The following MAP2K5 variants were observed in gnomAD, a reference collection of about 807,000 sequenced individuals.
MAP2K5 encodes mitogen-activated protein kinase kinase 5.
In MAP2K5, 49 loss-of-function variants were observed where a neutral mutation model predicts 83.1. The ratio of observed to expected loss-of-function variants is 0.59; its 90% CI spans 0.47 to 0.75. The LOEUF (loss-of-function observed/expected upper bound fraction) is 0.75, where lower values mean the gene tolerates loss of function less well. MAP2K5 is among the 30% of genes least tolerant of loss of function. MAP2K5 has a pLI of 0.00. For synonymous variants in MAP2K5, 202 were observed against 191.8 expected (o/e 1.05, Z -0.44); for missense variants, 457 against 557.5 (o/e 0.82, Z 1.82).
rs1003026634 is a variant in MAP2K5 at position 67,562,537 on chromosome 15, A to C, written c.185-746A>C. ...CACATTCTGGTTATGTAGTTTGTGA[A>C]GTCTTGTCCTCCAGCCTTAAGACTT... On this transcript the variant is annotated intron_variant, in intron 2 of 21. Coordinates refer to ENST00000178640, the MANE Select transcript of MAP2K5 (RefSeq NM_145160.3). This position sits in a 1 kb window ranked among gnomAD's most constrained non-coding sequence, Gnocchi z 4.1. Among the ~76,000 whole-genome samples, 15 of 152,212 alleles carry C rather than the reference A, an allele frequency of 9.9e-5. No homozygotes were observed. The highest frequency in any genetic ancestry group is 3.6e-4 in the African/African-American group (15 of 41,448).
intron 17 of MAP2K5, among the ~76,000 whole-genome samples, chr15:67,739,445 TATATATATATATATATA>T (rs1218052858): frequency 0.016 from 236 of 14,584 alleles, 4 homozygotes; most frequent in African/African-American, 0.051. Flanking sequence ...TATATATATA[TATATATATATATATATA>T]TTTTTTTTTT....
rs181458288 is a variant in MAP2K5 at position 67,755,753 on chromosome 15, A to G, written c.1134+7152A>G. Among the ~76,000 whole-genome samples, 3 of 152,388 alleles carry G rather than the reference A, an allele frequency of 2.0e-5. No homozygotes were observed. The highest frequency in any genetic ancestry group is 6.5e-5 in the Admixed American group (1 of 15,314). On this transcript the variant is annotated intron_variant, in intron 19 of 21. Transcript: ENST00000178640. The surrounding 1 kb of genome is among the most constrained non-coding windows in gnomAD (Gnocchi z 4.7). ...TTAAGTTTTATGGTTAAATAGAGTC[A>G]TAAGAACTTGCAGAAGACATAGACT...
At chr15:67,601,884 G>A (rs2085666471) in intron 8 of MAP2K5, among the ~76,000 whole-genome samples, 1 of 152,242 alleles carries the variant, frequency 6.6e-6, no homozygotes, top group Admixed American at 6.5e-5. Flanking sequence ...CAGCCAAGAT[G>A]TGAGTCCTTT....
At chr15:67,689,256 C>A (rs565931305) in intron 13 of MAP2K5, among the ~76,000 whole-genome samples, 1 of 152,264 alleles carries the variant, frequency 6.6e-6, no homozygotes, top group South Asian at 2.1e-4. Flanking sequence ...ACATTACATA[C>A]ATAAATCATA....
intron 16 of MAP2K5, among the ~76,000 whole-genome samples, chr15:67,704,622 T>G (rs1244208062): frequency 1.3e-5 from 2 of 152,196 alleles, no homozygotes; most frequent in Non-Finnish European, 2.9e-5. Context: ...TTCTTCTGCT[T>G]CTTCTTAAAA....
chr15:67,648,907 C>T (rs1596719934), intron 11 of MAP2K5, among the ~76,000 whole-genome samples: 1 of 152,216 alleles, frequency 6.6e-6, no homozygotes, highest in South Asian at 2.1e-4. Context: ...GGGTATATAC[C>T]TAGGAGTAAA....
At chr15:67,800,182 A>G (rs978340589) in intron 21 of MAP2K5, among the ~76,000 whole-genome samples, 2 of 152,232 alleles carry the variant, frequency 1.3e-5, no homozygotes, top group African/African-American at 4.8e-5. Flanking sequence ...GCATCCTCCC[A>G]TAAATTATTT....
chr15:67,578,096 C>G (rs551697933), intron 3 of MAP2K5, among the ~76,000 whole-genome samples: 1 of 152,162 alleles, frequency 6.6e-6, no homozygotes, highest in Non-Finnish European at 1.5e-5. Context: ...GGGTAGAGCC[C>G]GTCTTGATTT....
chr15:67,595,511 A>T (rs896580596), intron 7 of MAP2K5, among the ~76,000 whole-genome samples: 3 of 152,212 alleles, frequency 2.0e-5, no homozygotes, highest in Non-Finnish European at 4.4e-5. Flanking sequence ...TTTTATTTTA[A>T]TGATTTATAA....
intron 8 of MAP2K5, among the ~76,000 whole-genome samples, chr15:67,630,098 G>A (rs1296700643): frequency 1.3e-5 from 2 of 152,160 alleles, no homozygotes; most frequent in African/African-American, 4.8e-5. Context: ...AAGTAGCATG[G>A]TGGCATGTGC....
intron 21 of MAP2K5, among the ~76,000 whole-genome samples, chr15:67,791,328 G>C (rs191501534): frequency 6.6e-6 from 1 of 152,310 alleles, no homozygotes; most frequent in African/African-American, 2.4e-5. Context: ...CTCTAAGGCA[G>C]ACTCTGACTT....
At chr15:67,625,986 G>A (rs961947461) in intron 8 of MAP2K5, among the ~76,000 whole-genome samples, 17 of 152,152 alleles carry the variant, frequency 1.1e-4, no homozygotes, top group African/African-American at 3.6e-4. Flanking sequence ...GGTCTCAAAC[G>A]TCCAGGTGTT....
chr15:67,737,844 C>CTTTTTTTTTT (rs35988425), intron 17 of MAP2K5, among the ~76,000 whole-genome samples: 3 of 69,296 alleles, frequency 4.3e-5, no homozygotes, highest in African/African-American at 6.0e-5. Flanking sequence ...ATAGAATAGT[C>CTTTTTTTTTT]TTTTTTTTTT....
At chr15:67,592,410 G>A (rs749937750) in intron 6 of MAP2K5, among the ~76,000 whole-genome samples, 3 of 152,142 alleles carry the variant, frequency 2.0e-5, no homozygotes, top group Non-Finnish European at 2.9e-5. Context: ...GAGAGGATAA[G>A]TAACTTGTCC....
intron 1 of MAP2K5, among the ~76,000 whole-genome samples, chr15:67,549,789 C>T (rs1006365942): frequency 3.3e-5 from 5 of 152,092 alleles, no homozygotes; most frequent in Admixed American, 2.6e-4. Flanking sequence ...GACTGTTGAA[C>T]TGAGAATAAA....
chr15:67,743,261 C>G (rs1392224411), intron 17 of MAP2K5, among the ~76,000 whole-genome samples: 1 of 152,176 alleles, frequency 6.6e-6, no homozygotes. Context: ...ATCGTTGGTT[C>G]CTTCTTATAA....
intron 8 of MAP2K5, among the ~76,000 whole-genome samples, 170 bp from the exon 9 acceptor site, chr15:67,630,718 T>C (rs1245133744): frequency 1.3e-5 from 2 of 152,270 alleles, no homozygotes; most frequent in Non-Finnish European, 2.9e-5. Context: ...TAAATCACTT[T>C]GTAAACCATT....
In MAP2K5 at chr15:67,803,962, A is replaced by T. The variant is rs1250128008; in HGVS notation, c.1243-2684A>T. Among the ~76,000 whole-genome samples, 5 of 152,186 alleles carry T rather than the reference A, an allele frequency of 3.3e-5. No individual in the cohort carries two copies. The East Asian group carries it at 9.6e-4, about 29-fold the overall frequency. On this transcript the variant is annotated intron_variant, in intron 21 of 21. Transcript: ENST00000178640. ...CAGCTGTGACCCTGCAGCCTCCATC[A>T]GTAAAGTGGAGGTGATTGTGCCCAC...
intron 8 of MAP2K5, among the ~76,000 whole-genome samples, chr15:67,611,606 G>T (rs2085926384): frequency 6.6e-6 from 1 of 152,146 alleles, no homozygotes; most frequent in African/African-American, 2.4e-5. Context: ...TGGGAATGTA[G>T]CTGAGCACAC....
Sources: gnomAD v4.1 joint callset for allele counts (sites outside exome capture counted in the v4.1 genomes callset) on GRCh38, gnomAD v4.1.1 for gene constraint, Gnocchi (gnomAD v3.1) non-coding constraint, MANE v1.5 for transcripts, NCBI Gene and HGNC (gene_info 2026-07-23, HGNC 2026-07-21) for gene names.